The following TOGARAM2 variants were observed in gnomAD, a reference collection of about 807,000 sequenced individuals.
TOGARAM2 encodes TOG array regulator of axonemal microtubules 2, also known as TOG array regulator of axonemal microtubules protein 2.
In TOGARAM2, 85 loss-of-function variants were observed where a neutral mutation model predicts 93.3. The ratio of observed to expected loss-of-function variants is 0.91; its 90% CI spans 0.76 to 1.09. The LOEUF (loss-of-function observed/expected upper bound fraction) is 1.09. Among genes scored for constraint, TOGARAM2 ranks in the 50% least tolerant of loss-of-function variants. TOGARAM2 has a pLI of 0.00. For synonymous variants in TOGARAM2, 593 were observed against 552.8 expected (o/e 1.07, Z -1.02); for missense variants, 1,277 against 1,334.5 (o/e 0.96, Z 0.67).
chr2:29,041,538 C>T (rs190812739), intron 18 of TOGARAM2, among the ~76,000 whole-genome samples: 33 of 152,326 alleles, frequency 2.2e-4, no homozygotes, highest in Admixed American at 7.2e-4. Context: ...ATGTTTTCTA[C>T]GCTTTCTTAA....
At chr2:28,967,505 T>G (rs759676755) in intron 1 of TOGARAM2, among the ~76,000 whole-genome samples, 2 of 151,798 alleles carry the variant, frequency 1.3e-5, no homozygotes, top group Admixed American at 1.3e-4. Flanking sequence ...CAAAACAAAA[T>G]CAAACAGGCC....
At position 29,033,058 on chromosome 2, in the gene TOGARAM2, T is replaced by C. The variant is rs1665866236; in HGVS notation, c.2130+7T>C. On this transcript the variant is annotated splice_region_variant and intron_variant, in intron 15 of 19. Coordinates refer to ENST00000379558, the MANE Select transcript of TOGARAM2 (RefSeq NM_199280.4). ...GGCGGCCATTAAACAGCAGGTGAGC[T>C]GTGGGGCATAAGTGGGTCATGGCCT... 8 of 1,610,954 alleles carry C rather than the reference T, an allele frequency of 5.0e-6. No individual in the cohort carries two copies. The highest frequency in any genetic ancestry group is 6.8e-6 in the Non-Finnish European group (8 of 1,178,346).
rs1025789291 is a variant in TOGARAM2 at position 29,005,832 on chromosome 2, GTGTA to G, written c.830+2154_830+2157del. Among the ~76,000 whole-genome samples, 33 of 132,486 alleles carry G rather than the reference GTGTA, an allele frequency of 2.5e-4. 1 individual carries two copies. The highest frequency in any genetic ancestry group is 3.7e-4 in the Non-Finnish European group (25 of 66,840). 86.9% of individuals were successfully genotyped at this position (132,486 alleles called of 152,430 possible). A position where few individuals can be genotyped will look rare whatever the true frequency, so the allele number is the denominator to read the frequency against. On this transcript the variant is annotated intron_variant, in intron 6 of 19. Coordinates refer to ENST00000379558, the MANE Select transcript of TOGARAM2 (RefSeq NM_199280.4). ...TGTGTGTGAGTGCATGTGTGTGCAT[GTGTA>G]TGTGTCAGTGCATGTGTGTGCATAT...
chr2:29,036,714 C>T lies in TOGARAM2; in HGVS notation c.2592C>T (p.Tyr864=), dbSNP rs200890889. The T allele has an allele frequency of 1.2e-4, 191 of 1,613,802 alleles. No individual in the cohort carries two copies. In the Admixed American group the frequency reaches 2.6e-3, roughly 22 times the overall value. ...TCAACTCCAAGAACTCAGGGATTTA[C>T]GCTGCTGCCGTGGCTGTGCTGGATG... ...DNLNSKNSGI[Y]AAAVAVLDAM... The change falls in exon 18 of 20, where the codon TAC becomes TAT. Residue 864 remains tyrosine, a synonymous_variant. Transcript: ENST00000379558.
intron 16 of TOGARAM2, 133 bp from the exon 17 acceptor site, chr2:29,035,331 G>A: frequency 1.4e-6 from 1 of 737,054 alleles, no homozygotes; most frequent in East Asian, 3.4e-5. Flanking sequence ...AGGGGAAGCT[G>A]GGGGTGGACT....
chr2:28,983,199 T>TATATA (rs1491158838), intron 1 of TOGARAM2, among the ~76,000 whole-genome samples: 276 of 12,278 alleles, frequency 0.022, no homozygotes, highest in Middle Eastern at 0.091. Context: ...TATATATATA[T>TATATA]TTTTTTTTTT....
chr2:29,006,127 ATG>A (rs60300825), intron 6 of TOGARAM2, among the ~76,000 whole-genome samples: 4 of 144,264 alleles, frequency 2.8e-5, no homozygotes, highest in East Asian at 2.1e-4. Context: ...ATGTGTGTGC[ATG>A]TGTGTGAGAG....
At chr2:28,966,852 A>G (rs2148218145) in intron 1 of TOGARAM2, among the ~76,000 whole-genome samples, 1 of 152,326 alleles carries the variant, frequency 6.6e-6, no homozygotes, top group South Asian at 2.1e-4. Context: ...GAGAAATGGC[A>G]CCCATTTTTC....
chr2:29,033,112 C>T, intron 15 of TOGARAM2, 61 bp downstream of exon 15: 1 of 1,412,898 alleles, frequency 7.1e-7, no homozygotes, highest in Non-Finnish European at 9.9e-7. Context: ...AGTGCTGAGC[C>T]TGGTAGCCTT....
rs148216684 is a variant in TOGARAM2, at chr2:28,997,459, T to C, written c.29-684T>C. On this transcript the variant is annotated intron_variant, in intron 2 of 19. Transcript: ENST00000379558. The stretch of plus-strand genomic sequence containing the variant: ...CGCACTGTCATTGCTTCTTAATCAT[T>C]GTGTTCTCCGCCAGACTTCAAGTCT... Among the ~76,000 whole-genome samples, 286 of 152,314 alleles carry C rather than the reference T, an allele frequency of 1.9e-3. 1 individual carries two copies. Among genetic ancestry groups the C allele is most frequent in the African/African-American group, 6.5e-3 (270 of 41,572 alleles).
intron 1 of TOGARAM2, among the ~76,000 whole-genome samples, chr2:28,970,698 C>A (rs1436092866): frequency 2.0e-5 from 3 of 152,200 alleles, no homozygotes; most frequent in African/African-American, 4.8e-5. Context: ...GAGCAACGCA[C>A]CCACCTGCGC....
chr2:28,977,675 A>G (rs1405910029), upstream of TOGARAM2, among the ~76,000 whole-genome samples: 2 of 152,140 alleles, frequency 1.3e-5, no homozygotes, highest in African/African-American at 4.8e-5. Context: ...CAGAGATATA[A>G]GGCATGAATC....
chr2:28,992,995 G>T (rs1672807800), intron 1 of TOGARAM2, among the ~76,000 whole-genome samples: 1 of 151,634 alleles, frequency 6.6e-6, no homozygotes, highest in African/African-American at 2.4e-5. Context: ...GGGAAGTGGA[G>T]GTTGCAGTGA....
At chr2:29,006,179 A>G (rs12993493) in intron 6 of TOGARAM2, among the ~76,000 whole-genome samples, 105,141 of 141,856 alleles carry the variant, frequency 0.74, 39,776 homozygotes, top group Non-Finnish European at 0.84. Context: ...ATGTGTGACC[A>G]CATGTGTGTG....
intron 1 of TOGARAM2, among the ~76,000 whole-genome samples, chr2:28,994,401 A>T (rs1242584452): frequency 6.6e-6 from 1 of 152,136 alleles, no homozygotes; most frequent in Non-Finnish European, 1.5e-5. Context: ...ATTGAAACTG[A>T]TGGAGAAACA....
intron 12 of TOGARAM2, among the ~76,000 whole-genome samples, chr2:29,023,741 T>C (rs1193779894): frequency 6.6e-6 from 1 of 152,122 alleles, no homozygotes; most frequent in African/African-American, 2.4e-5. Flanking sequence ...GCCTGGGGTC[T>C]CTGTTTCCTC....
chr2:29,021,250 C>G (rs1450412734), intron 10 of TOGARAM2, among the ~76,000 whole-genome samples: 2 of 152,212 alleles, frequency 1.3e-5, no homozygotes, highest in Admixed American at 6.5e-5. Context: ...CCTCTCCACT[C>G]AGACTTGCCT....
intron 16 of TOGARAM2, among the ~76,000 whole-genome samples, chr2:29,035,100 A>T (rs928750837): frequency 4.8e-5 from 7 of 147,190 alleles, no homozygotes; most frequent in African/African-American, 1.5e-4. Flanking sequence ...CAGTGAGCTG[A>T]GATTGGGCCA....
upstream of TOGARAM2, among the ~76,000 whole-genome samples, chr2:28,976,373 A>AAC (rs1558395675): frequency 1.2e-4 from 18 of 151,940 alleles, no homozygotes; most frequent in East Asian, 7.8e-4. Flanking sequence ...TCCATCTCAA[A>AAC]AACAACAACA....
Sources: allele counts gnomAD v4.1 joint callset (sites outside exome capture counted in the v4.1 genomes callset), GRCh38; gene constraint gnomAD v4.1.1; transcripts MANE v1.5; gene names NCBI Gene and HGNC (gene_info 2026-07-23, HGNC 2026-07-21).